The following SI variants were observed in gnomAD, a reference collection of about 807,000 sequenced individuals.
SI encodes sucrase-isomaltase, intestinal.
In SI, 235 loss-of-function variants were observed where a neutral mutation model predicts 253.3. That is an observed-to-expected ratio of 0.93 (90% CI 0.83 to 1.03). The LOEUF (loss-of-function observed/expected upper bound fraction) is 1.03. Among genes scored for constraint, SI ranks in the 50% least tolerant of loss-of-function variants. The pLI is 0.00. For missense variants in SI, 2,442 were observed against 2,211.1 expected (o/e 1.10, Z -2.09); for synonymous variants, 819 against 712.0 (o/e 1.15, Z -2.39).
chr3:165,029,791 G>T (rs1712139277), intron 25 of SI, among the ~76,000 whole-genome samples: 1 of 150,194 alleles, frequency 6.7e-6, no homozygotes, highest in African/African-American at 2.4e-5. Flanking sequence ...AAGGGGAATG[G>T]ATGTGTATTT....
At chr3:165,041,679 C>T (rs1330382184) in intron 17 of SI, among the ~76,000 whole-genome samples, 2 of 152,062 alleles carry the variant, frequency 1.3e-5, no homozygotes, top group African/African-American at 4.8e-5. Flanking sequence ...GTAGTGCAGC[C>T]TCTCTACTGA....
rs757644941 is a variant in SI at position 165,049,888 on chromosome 3, A to G, written c.1513-13T>C. 6.6e-7 allele frequency: 1 copy of G among 1,508,624 alleles called. No homozygotes were observed. The highest frequency in any genetic ancestry group is 9.2e-7 in the Non-Finnish European group (1 of 1,084,648). The allele number at this position is 1,508,624 out of a possible 1,614,324, so 93.5% of individuals were successfully genotyped here. ...CTTCATTCATGTCCTGAATGGATAC[A>G]AAATGAAGAACAGCAGATTTTACAT... On this transcript the variant is annotated splice_polypyrimidine_tract_variant and intron_variant, in intron 13 of 47. Coordinates refer to ENST00000264382, the MANE Select transcript of SI (RefSeq NM_001041.4).
rs138004544 is a variant in SI at position 165,067,666 on chromosome 3, A to G, written c.484-175T>C. Among the ~76,000 whole-genome samples the G allele has an allele frequency of 2.2e-4, 33 of 152,212 alleles. 1 individual carries two copies. The East Asian group carries it at 6.4e-3, about 29-fold the overall frequency. ...TTTTTGAATGGCTATGCACAGAAAA[A>G]GTGTATAAATTTTAAAGAAATACAT... On this transcript the variant is annotated intron_variant, in intron 5 of 47. Transcript: ENST00000264382.
chr3:165,039,266 A>G, intron 19 of SI, 132 bp from the exon 20 acceptor site: 1 of 633,006 alleles, frequency 1.6e-6, no homozygotes, highest in Non-Finnish European at 2.9e-6. Flanking sequence ...TCCTATAGAT[A>G]ATAATCAAAG....
At chr3:165,059,862 A>C in intron 10 of SI, 40 bp downstream of exon 10, 7 of 1,595,152 alleles carry the variant, frequency 4.4e-6, no homozygotes, top group Non-Finnish European at 6.0e-6. Context: ...GACAATATTT[A>C]ACTTGATATA....
intron 21 of SI, 43 bp from the exon 22 acceptor site, chr3:165,036,520 C>T: frequency 7.5e-7 from 1 of 1,326,896 alleles, no homozygotes; most frequent in South Asian, 1.2e-5. Context: ...AAAATAAATC[C>T]ATAATAATAC....
chr3:165,040,180 AG>A (rs1380353918), intron 18 of SI, among the ~76,000 whole-genome samples: 1 of 148,102 alleles, frequency 6.8e-6, no homozygotes, highest in South Asian at 2.3e-4. Context: ...AGAAGGAAGA[AG>A]GGGGGAGTAG....
At chr3:165,075,761 T>C in intron 2 of SI, 134 bp downstream of exon 2, 1 of 589,172 alleles carries the variant, frequency 1.7e-6, no homozygotes, top group Non-Finnish European at 3.1e-6. Flanking sequence ...GTGGAAGTAA[T>C]TGTGTAACTT....
chr3:165,051,577 A>T (rs1713433172), intron 13 of SI, among the ~76,000 whole-genome samples: 2 of 152,118 alleles, frequency 1.3e-5, no homozygotes, highest in Non-Finnish European at 2.9e-5. Flanking sequence ...ATAACATTAA[A>T]TTTTTAAAAA....
At position 165,013,021 on chromosome 3, in the gene SI, T is replaced by C. The variant is rs1233740252; in HGVS notation, c.4021A>G (p.Ile1341Val). 1 of 1,610,642 alleles carries C rather than the reference T, an allele frequency of 6.2e-7. No homozygotes were observed. The highest frequency in any genetic ancestry group is 2.2e-5 in the East Asian group (1 of 44,756). The stretch of plus-strand genomic sequence containing the variant: ...TCCGTTAGAGTTTTATCTATTGTTA[T>C]GTTGGGCAAATCTGGCCAAACCTAC... ...WAKVWPDLPNITIDKTLTEDE... is the reference protein window; with the variant it reads ...WAKVWPDLPNVTIDKTLTEDE... Residue 1341 changes from isoleucine to valine, a missense_variant, in exon 34 of 48, where the codon ATA (isoleucine) becomes GTA (valine). Transcript: ENST00000264382.
chr3:164,981,325 T>C (rs1052064582), intron 47 of SI, among the ~76,000 whole-genome samples: 1 of 151,998 alleles, frequency 6.6e-6, no homozygotes, highest in Admixed American at 6.6e-5. Context: ...GGTGTTGAGT[T>C]TCAAAAAGAT....
intron 25 of SI, among the ~76,000 whole-genome samples, chr3:165,029,321 C>A (rs1018637876): frequency 6.6e-6 from 1 of 150,546 alleles, no homozygotes. Context: ...GACACTTCTA[C>A]ACTGATAGTG....
At position 165,075,989 on chromosome 3, in the gene SI, T is replaced by C; in HGVS notation, c.24A>G (p.Gly8=). ...AAAGGACAATCAGAGAGATTTCCAA[T>C]CCACTAAATTTCTTTCTTGCCATCT... is the stretch of plus-strand genomic sequence containing the variant. MARKKFS[G]LEISLIVLFV... The change falls in exon 2 of 48, where the codon GGA becomes GGG. Residue 8 remains glycine (G), a synonymous_variant. Coordinates refer to ENST00000264382, the MANE Select transcript of SI (RefSeq NM_001041.4). The C allele has an allele frequency of 6.3e-7, 1 of 1,588,916 alleles. No individual in the cohort carries two copies. The highest frequency in any genetic ancestry group is 8.6e-7 in the Non-Finnish European group (1 of 1,162,122).
chr3:165,074,835 A>G (rs924705225), intron 2 of SI, among the ~76,000 whole-genome samples, 168 bp from the exon 3 acceptor site: 1 of 152,062 alleles, frequency 6.6e-6, no homozygotes, highest in Non-Finnish European at 1.5e-5. Flanking sequence ...ACTAGTCATC[A>G]AAAGGAAAAG....
At chr3:165,003,383 G>A (rs1718346548) in intron 37 of SI, among the ~76,000 whole-genome samples, 1 of 151,818 alleles carries the variant, frequency 6.6e-6, no homozygotes, top group Admixed American at 6.6e-5. Context: ...GGATAATTAT[G>A]CCCCAATATT....
At chr3:165,049,713 A>T in intron 14 of SI, 78 bp downstream of exon 14, 1 of 825,282 alleles carries the variant, frequency 1.2e-6, no homozygotes, top group Non-Finnish European at 2.1e-6. Context: ...TAATTTAGAA[A>T]TATATGTTAG....
rs2108117020 is a variant in SI, at chr3:164,987,197, G to A, written c.5138C>T (p.Ala1713Val). 6.2e-7 allele frequency: 1 copy of A among 1,613,642 alleles called. No individual in the cohort carries two copies. Among genetic ancestry groups the A allele is most frequent in the Non-Finnish European group, 8.5e-7 (1 of 1,179,722 alleles). Reference sequence around the variant, plus strand: ...CTGTGCCATCTGATTATCATCTGCAGCAACAATGAGCTTCATGTGTTTTTG... The same window carrying A: ...CTGTGCCATCTGATTATCATCTGCAACAACAATGAGCTTCATGTGTTTTTG... The part of the protein sequence containing the change: ...SRQKHMKLIV[A>V]ADDNQMAQGS... The change falls in exon 45 of 48, where the codon GCT becomes GTT. Residue 1713 changes from alanine to valine, a missense_variant. Coordinates refer to ENST00000264382, the MANE Select transcript of SI (RefSeq NM_001041.4).
At chr3:164,995,937 A>G (rs1316297344) in intron 40 of SI, among the ~76,000 whole-genome samples, 1 of 151,800 alleles carries the variant, frequency 6.6e-6, no homozygotes, top group Non-Finnish European at 1.5e-5. Context: ...TCATTGATTC[A>G]TGCTCTACTT....
intron 37 of SI, among the ~76,000 whole-genome samples, chr3:165,004,018 G>A (rs1718383550): frequency 6.6e-6 from 1 of 152,008 alleles, no homozygotes; most frequent in Non-Finnish European, 1.5e-5. Context: ...ACAAACCACA[G>A]AATGGGAGAA....
Sources: gnomAD v4.1 joint callset for allele counts (sites outside exome capture counted in the v4.1 genomes callset) on GRCh38, gnomAD v4.1.1 for gene constraint, MANE v1.5 for transcripts, NCBI Gene and HGNC (gene_info 2026-07-23, HGNC 2026-07-21) for gene names.